Variants in MFAP1 observed in about 807,000 individuals in gnomAD.
MFAP1 encodes microfibrillar-associated protein 1.
In MFAP1, 18 loss-of-function variants were observed where a neutral mutation model predicts 62.2. The observed-to-expected ratio is 0.29, with a 90% CI of 0.20 to 0.43. MFAP1 has a LOEUF of 0.43. Among genes scored for constraint, MFAP1 ranks in the 20% least tolerant of loss-of-function variants. MFAP1 has a pLI of 1.00. For missense variants in MFAP1, 355 were observed against 559.7 expected, an observed-to-expected ratio of 0.63 and a Z score of 3.69; for synonymous variants, 175 against 180.4, an observed-to-expected ratio of 0.97 and a Z score of 0.24.
At chr15:43,814,152 CAG>C (rs1245809297) in intron 4 of MFAP1, among the ~76,000 whole-genome samples, 1 of 152,086 alleles carries the variant, frequency 6.6e-6, no homozygotes, top group Non-Finnish European at 1.5e-5. Flanking sequence ...ACTCGGGAGA[CAG>C]AGGCAGAACT....
chr15:43,814,787 A>G lies in MFAP1; in HGVS notation c.430-99T>C, dbSNP rs865882803. The G allele has an allele frequency of 6.7e-6, 10 of 1,490,030 alleles. No individual in the cohort carries two copies. In the Middle Eastern group the frequency reaches 7.3e-4, roughly 109 times the overall value. The allele number at this position is 1,490,030 out of a possible 1,614,324, so 92.3% of individuals were successfully genotyped here. ...ATTCAAATGTAAAAAGATACAACTT[A>G]GTATCATTCTATTTTTAATCCTATC... On this transcript the variant is annotated intron_variant, in intron 3 of 8. Coordinates refer to ENST00000267812, the MANE Select transcript of MFAP1 (RefSeq NM_005926.3).
Position 43,820,266 on chromosome 15 carries a change from G to A in MFAP1, c.80-2818C>T, listed in dbSNP as rs1212844386. On this transcript the variant is annotated intron_variant, in intron 1 of 8. Transcript: ENST00000267812. Reference sequence around the variant, plus strand: ...CCAGGGGCGGAGCTTGCAGTGAGCCGAGATCGCGCCACTGCACTCCAGCCT... The same window carrying A: ...CCAGGGGCGGAGCTTGCAGTGAGCCAAGATCGCGCCACTGCACTCCAGCCT... Among the ~76,000 whole-genome samples the A allele has an allele frequency of 4.6e-5, 7 of 152,128 alleles. No homozygotes were observed. In the East Asian group the frequency reaches 5.8e-4, roughly 13 times the overall value.
intron 1 of MFAP1, among the ~76,000 whole-genome samples, chr15:43,820,190 C>T (rs1169171722): frequency 6.6e-6 from 1 of 151,778 alleles, no homozygotes. Flanking sequence ...TGGTGGCACG[C>T]ACCTGTAGTC....
chr15:43,804,585 T>G lies in MFAP1; in HGVS notation c.*509A>C, dbSNP rs1482105872. 6.6e-6 allele frequency: 1 copy of G among 152,380 alleles called. No individual in the cohort carries two copies. The highest frequency in any genetic ancestry group is 6.5e-5 in the Admixed American group (1 of 15,280). 9.4% of individuals were successfully genotyped at this position (152,380 alleles called of 1,614,324 possible). On this transcript the variant is annotated 3_prime_UTR_variant, in exon 9 of 9. Coordinates refer to ENST00000267812, the MANE Select transcript of MFAP1 (RefSeq NM_005926.3). ...AGTATCATGCTAAAAATCTCCTTGTTGTGTGATTCTTTTATTTCTTGACAT... is the reference window on the plus strand; with the variant it reads ...AGTATCATGCTAAAAATCTCCTTGTGGTGTGATTCTTTTATTTCTTGACAT...
chr15:43,810,359 CTT>C (rs372486106), intron 6 of MFAP1, among the ~76,000 whole-genome samples: 87 of 142,906 alleles, frequency 6.1e-4, no homozygotes, highest in African/African-American at 2.1e-3. Context: ...ATTGCAGTAA[CTT>C]TTTTTTTTTT....
At position 43,814,724 on chromosome 15, in the gene MFAP1, G is replaced by A. The variant is rs768561974; in HGVS notation, c.430-36C>T. The A allele has an allele frequency of 8.8e-6, 14 of 1,595,086 alleles. No individual in the cohort carries two copies. In the South Asian group the frequency reaches 1.1e-4, roughly 13 times the overall value. ...ATATATATAAGCCAGTCAGTCAAAT[G>A]GCCTATGGCTTTTTGTTCGTCTCAT... On this transcript the variant is annotated intron_variant, in intron 3 of 8. Transcript: ENST00000267812.
At chr15:43,808,157 A>T (rs141840282) in intron 7 of MFAP1, among the ~76,000 whole-genome samples, 44 of 152,372 alleles carry the variant, frequency 2.9e-4, no homozygotes, top group Admixed American at 2.5e-3. Flanking sequence ...TTATAAACAC[A>T]TATGCTGAAG....
At chr15:43,811,851 C>T (rs1031448132) in intron 6 of MFAP1, among the ~76,000 whole-genome samples, 9 of 152,062 alleles carry the variant, frequency 5.9e-5, no homozygotes, top group African/African-American at 1.7e-4. Context: ...TGGGATTACC[C>T]TCTCATACCT....
rs189275501 is a variant in MFAP1 at position 43,815,119 on chromosome 15, G to A, written c.300-45C>T. On this transcript the variant is annotated intron_variant, in intron 2 of 8. Coordinates refer to ENST00000267812, the MANE Select transcript of MFAP1 (RefSeq NM_005926.3). ...AATGTAACACCAATGTCATAAAAAT[G>A]AAGTAGCATCAACTGCATTTCCATA... 4 of 1,610,550 alleles carry A rather than the reference G, an allele frequency of 2.5e-6. No homozygotes were observed. The Admixed American group carries it at 6.7e-5, about 27-fold the overall frequency.
At chr15:43,818,504 C>CA (rs35298718) in intron 1 of MFAP1, among the ~76,000 whole-genome samples, 5,461 of 124,342 alleles carry the variant, frequency 0.044, 308 homozygotes, top group African/African-American at 0.15. Flanking sequence ...TAAAAACTAC[C>CA]AAAAAAAAAA....
intron 4 of MFAP1, 151 bp from the exon 5 acceptor site, chr15:43,813,508 C>CTTT (rs10709037): frequency 1.0e-4 from 26 of 249,354 alleles, no homozygotes; most frequent in South Asian, 2.6e-4. Context: ...CATCCCAGGT[C>CTTT]TTTTTTTTTT....
At chr15:43,806,907 T>G (rs2087369657) in intron 7 of MFAP1, among the ~76,000 whole-genome samples, 1 of 151,822 alleles carries the variant, frequency 6.6e-6, no homozygotes, top group Non-Finnish European at 1.5e-5. Flanking sequence ...TGAATACAAC[T>G]CCTCTGTGTA....
intron 7 of MFAP1, among the ~76,000 whole-genome samples, 189 bp from the exon 8 acceptor site, chr15:43,805,654 C>T: frequency 6.6e-6 from 1 of 151,858 alleles, no homozygotes; most frequent in East Asian, 1.9e-4. Context: ...GCTCTGTTGC[C>T]CAGGCTGGAG....
At position 43,824,679 on chromosome 15, in the gene MFAP1, T is replaced by G; in HGVS notation, c.-110A>C. 1.9e-6 allele frequency: 2 copies of G among 1,075,264 alleles called. No homozygotes were observed. 66.6% of individuals were successfully genotyped at this position (1,075,264 alleles called of 1,614,324 possible). ...TTCCACCTGAGTCCGCGAACACAGC[T>G]GCGCGACTGATAGAGAAACTACTTA... On this transcript the variant is annotated 5_prime_UTR_variant, in exon 1 of 9. Transcript: ENST00000267812.
At chr15:43,809,604 G>T in intron 7 of MFAP1, 151 bp downstream of exon 7, 1 of 891,852 alleles carries the variant, frequency 1.1e-6, no homozygotes, top group Non-Finnish European at 1.7e-6. Flanking sequence ...TTTTCTCTGA[G>T]TTTATATTGT....
At chr15:43,809,133 G>A (rs2087382840) in intron 7 of MFAP1, among the ~76,000 whole-genome samples, 1 of 152,002 alleles carries the variant, frequency 6.6e-6, no homozygotes, top group Non-Finnish European at 1.5e-5. Context: ...GTCATGTGGA[G>A]GACCTAATTA....
rs190907236 is a variant in MFAP1, at chr15:43,816,564, A to C, written c.299+665T>G. Among the ~76,000 whole-genome samples, 387 of 152,278 alleles carry C rather than the reference A, an allele frequency of 2.5e-3. 2 individuals are homozygous for C. Among genetic ancestry groups the C allele is most frequent in the African/African-American group, 8.9e-3 (370 of 41,562 alleles). On this transcript the variant is annotated intron_variant, in intron 2 of 8. Coordinates refer to ENST00000267812, the MANE Select transcript of MFAP1 (RefSeq NM_005926.3). ...CTGGCCATGGGCACTGTTAATCTTCAAGTGGCAAAGTTATTAGGACATAAA... is the reference window on the plus strand; with the variant it reads ...CTGGCCATGGGCACTGTTAATCTTCCAGTGGCAAAGTTATTAGGACATAAA...
intron 4 of MFAP1, among the ~76,000 whole-genome samples, chr15:43,814,080 C>T (rs2087419805): frequency 6.6e-6 from 1 of 151,948 alleles, no homozygotes; most frequent in Non-Finnish European, 1.5e-5. Context: ...ATGGAAAAAC[C>T]CCCTCTCTAC....
intron 1 of MFAP1, among the ~76,000 whole-genome samples, chr15:43,818,524 A>C (rs1406201767): frequency 1.3e-5 from 2 of 148,712 alleles, no homozygotes; most frequent in Non-Finnish European, 3.0e-5. Context: ...AAAAGAAACA[A>C]AAAAAAAAAA....
Sources: gnomAD v4.1 joint callset for allele counts (sites outside exome capture counted in the v4.1 genomes callset) on GRCh38, gnomAD v4.1.1 for gene constraint, MANE v1.5 for transcripts, NCBI Gene and HGNC (gene_info 2026-07-23, HGNC 2026-07-21) for gene names.